The following TRPC7 variants were observed in gnomAD, a reference collection of about 807,000 sequenced individuals.
The protein encoded by TRPC7 is transient receptor potential cation channel subfamily C member 7.
TRPC7 carries 42 observed loss-of-function variants against 90.1 expected under a neutral mutation model. That is an observed-to-expected ratio of 0.47 (90% CI 0.36 to 0.60). The LOEUF is 0.60. TRPC7 is among the 20% of genes least tolerant of loss of function. TRPC7 has a pLI of 0.00. For synonymous variants in TRPC7, 451 were observed against 436.3 expected, an observed-to-expected ratio of 1.03 and a Z score of -0.42; for missense variants, 955 against 1,112.3, an observed-to-expected ratio of 0.86 and a Z score of 2.01.
intron 7 of TRPC7, among the ~76,000 whole-genome samples, chr5:136,241,905 G>A (rs1325511352): frequency 6.6e-6 from 1 of 152,112 alleles, no homozygotes; most frequent in Non-Finnish European, 1.5e-5. Flanking sequence ...TCATCTATGA[G>A]CATGGACCTT....
chr5:136,365,313 C>T lies in TRPC7; in HGVS notation c.-59G>A. On this transcript the variant is annotated 5_prime_UTR_variant, in exon 1 of 12. Coordinates refer to ENST00000513104, the MANE Select transcript of TRPC7 (RefSeq NM_020389.3). ...AGATGACCGGAATCCGGTGTTGAGT[C>T]GCCAGAAGCTGGCTCCCCATGGGTG... 2.6e-6 allele frequency: 4 copies of T among 1,532,996 alleles called. No individual in the cohort carries two copies. The highest frequency in any genetic ancestry group is 3.5e-6 in the Non-Finnish European group (4 of 1,143,164). The allele number at this position is 1,532,996 out of a possible 1,614,324, so 95.0% of individuals were successfully genotyped here.
intron 2 of TRPC7, among the ~76,000 whole-genome samples, chr5:136,335,145 C>T (rs1759612507): frequency 6.6e-6 from 1 of 152,084 alleles, no homozygotes; most frequent in Admixed American, 6.6e-5. Context: ...TGACATGATT[C>T]CATTGATCTC....
intron 3 of TRPC7, among the ~76,000 whole-genome samples, chr5:136,304,134 A>T (rs1416897655): frequency 6.7e-6 from 1 of 150,042 alleles, no homozygotes; most frequent in Non-Finnish European, 1.5e-5. Flanking sequence ...GCTGCATCTC[A>T]TTGCTGCCCT....
At chr5:136,260,742 C>T (rs111721328) in intron 5 of TRPC7, among the ~76,000 whole-genome samples, 14 of 151,994 alleles carry the variant, frequency 9.2e-5, no homozygotes, top group African/African-American at 3.4e-4. Flanking sequence ...CTAGCTCCTG[C>T]ATTGAGAACA....
chr5:136,213,603 G>A lies in TRPC7; in HGVS notation c.2421C>T (p.Gly807=), dbSNP rs750108887. The A allele has an allele frequency of 6.2e-6, 10 of 1,613,856 alleles. No homozygotes were observed. The highest frequency in any genetic ancestry group is 8.5e-6 in the Non-Finnish European group (10 of 1,179,866). Residue 807 remains glycine (G), a splice_region_variant and synonymous_variant, in exon 12 of 12, where the codon GGC becomes GGT. Coordinates refer to ENST00000513104, the MANE Select transcript of TRPC7 (RefSeq NM_020389.3). The part of the protein sequence containing the change: ...VDRENDEVNE[G]ELKEIKQDIS... ...TATCTTGCTTGATTTCCTTCAGCTC[G>A]CCTGCAAGGACAGAGGAGATTTTGC...
rs535631433 is a variant in TRPC7 at position 136,287,615 on chromosome 5, C to T, written c.964-12778G>A. Reference sequence around the variant, plus strand: ...GCTTCATTTGAAGCTCCAGGAGGAACGGGTTAATTCTCTTTTGTTTTTCTG... The same window carrying T: ...GCTTCATTTGAAGCTCCAGGAGGAATGGGTTAATTCTCTTTTGTTTTTCTG... On this transcript the variant is annotated intron_variant, in intron 3 of 11. Coordinates refer to ENST00000513104, the MANE Select transcript of TRPC7 (RefSeq NM_020389.3). Among the ~76,000 whole-genome samples, 25 of 134,448 alleles carry T rather than the reference C, an allele frequency of 1.9e-4. 1 individual carries two copies. Among genetic ancestry groups the T allele is most frequent in the Middle Eastern group, 4.5e-3 (1 of 224 alleles). 88.2% of individuals were successfully genotyped at this position (134,448 alleles called of 152,430 possible).
intron 7 of TRPC7, among the ~76,000 whole-genome samples, chr5:136,243,840 T>C (rs886296300): frequency 6.6e-6 from 1 of 152,142 alleles, no homozygotes; most frequent in Non-Finnish European, 1.5e-5. Context: ...ACACATCTCA[T>C]TTCAGGAACT....
intron 2 of TRPC7, among the ~76,000 whole-genome samples, chr5:136,338,956 A>G (rs1204036146): frequency 4.6e-5 from 7 of 152,192 alleles, no homozygotes; most frequent in African/African-American, 1.7e-4. Context: ...GTAGATTTTG[A>G]CTTCTGTTGT....
At chr5:136,220,405 G>C (rs1308662567) in intron 10 of TRPC7, among the ~76,000 whole-genome samples, 1 of 152,088 alleles carries the variant, frequency 6.6e-6, no homozygotes, top group African/African-American at 2.4e-5. Context: ...GCATTCCTGG[G>C]GGGCAGTCTA....
chr5:136,355,326 G>C (rs1025549502), intron 2 of TRPC7, among the ~76,000 whole-genome samples: 1 of 152,202 alleles, frequency 6.6e-6, no homozygotes, highest in Non-Finnish European at 1.5e-5. Context: ...TGGGGTCTGA[G>C]TGCTTAGATT....
chr5:136,261,449 G>A (rs1416692408), intron 5 of TRPC7, among the ~76,000 whole-genome samples: 1 of 152,178 alleles, frequency 6.6e-6, no homozygotes, highest in Non-Finnish European at 1.5e-5. Flanking sequence ...GTTACAATGA[G>A]TGAAGTGTTC....
intron 11 of TRPC7, 115 bp from the exon 12 acceptor site, chr5:136,213,719 C>A: frequency 8.3e-7 from 1 of 1,205,870 alleles, no homozygotes; most frequent in East Asian, 2.4e-5. Context: ...TGGGCCAGCC[C>A]ACCAGGGTTG....
intron 10 of TRPC7, among the ~76,000 whole-genome samples, chr5:136,223,572 G>A (rs1755530693): frequency 6.6e-6 from 1 of 151,700 alleles, no homozygotes; most frequent in South Asian, 2.1e-4. Context: ...GAGATCGCAC[G>A]ATTGCACACC....
intron 1 of TRPC7, among the ~76,000 whole-genome samples, chr5:136,360,330 G>A (rs1374615144): frequency 1.3e-5 from 2 of 150,264 alleles, no homozygotes; most frequent in Non-Finnish European, 1.5e-5. Context: ...CAAAGTATTA[G>A]CATTCTCATC....
intron 3 of TRPC7, among the ~76,000 whole-genome samples, chr5:136,299,513 A>G (rs1047364873): frequency 3.3e-5 from 5 of 152,124 alleles, no homozygotes; most frequent in African/African-American, 1.2e-4. Flanking sequence ...AAAATTTTCA[A>G]CTACAATTAT....
intron 2 of TRPC7, among the ~76,000 whole-genome samples, chr5:136,345,510 G>A (rs970445412): frequency 6.6e-6 from 1 of 152,044 alleles, no homozygotes; most frequent in Non-Finnish European, 1.5e-5. Flanking sequence ...GCAGTGAGCC[G>A]AGATCAAGCC....
chr5:136,345,974 T>C (rs561792189), intron 2 of TRPC7, among the ~76,000 whole-genome samples: 1 of 152,326 alleles, frequency 6.6e-6, no homozygotes, highest in African/African-American at 2.4e-5. Context: ...CCCCATTTCT[T>C]GTTTTTGTCA....
At chr5:136,265,513 C>T (rs1756993794) in intron 5 of TRPC7, among the ~76,000 whole-genome samples, 1 of 152,026 alleles carries the variant, frequency 6.6e-6, no homozygotes, top group South Asian at 2.1e-4. Flanking sequence ...TCGGAAAAAT[C>T]TATAACACAT....
chr5:136,264,150 G>A (rs1387281401), intron 5 of TRPC7, among the ~76,000 whole-genome samples: 3 of 152,128 alleles, frequency 2.0e-5, no homozygotes, highest in African/African-American at 7.2e-5. Context: ...ATACAAGTTG[G>A]GGTTCCTATA....
Sources: allele counts gnomAD v4.1 joint callset (sites outside exome capture counted in the v4.1 genomes callset), GRCh38; gene constraint gnomAD v4.1.1; transcripts MANE v1.5; gene names NCBI Gene and HGNC (gene_info 2026-07-23, HGNC 2026-07-21).